SLC9A7: variants seen among roughly 807,000 people sequenced by gnomAD.
SLC9A7 encodes the protein sodium/hydrogen exchanger 7.
SLC9A7 carries 19 observed loss-of-function variants against 52.6 expected under a neutral mutation model. That is an observed-to-expected ratio of 0.36 (90% CI 0.25 to 0.53). The LOEUF is 0.53. SLC9A7 is among the 20% of genes least tolerant of loss of function. The pLI is 0.91. For missense variants in SLC9A7, 455 were observed against 597.9 expected (o/e 0.76, Z 2.49); for synonymous variants, 226 against 252.1 (o/e 0.90, Z 0.98).
chrX:46,625,402 G>A (rs1444516346), intron 14 of SLC9A7, among the ~76,000 whole-genome samples: 1 of 110,353 alleles, frequency 9.1e-6, no homozygotes, highest in Non-Finnish European at 1.9e-5. Context: ...GGACAATCAC[G>A]TGGGCCCTTA....
chrX:46,743,750 T>C (rs1427328712), intron 1 of SLC9A7, among the ~76,000 whole-genome samples: 1 of 111,535 alleles, frequency 9.0e-6, no homozygotes, highest in Non-Finnish European at 1.9e-5. Context: ...TTCCCAAATA[T>C]AAGCAACACT....
intron 4 of SLC9A7, among the ~76,000 whole-genome samples, chrX:46,671,470 C>T (rs1181140382): frequency 9.2e-6 from 1 of 109,070 alleles, no homozygotes; most frequent in Non-Finnish European, 1.9e-5. Flanking sequence ...GGGGTTTCAC[C>T]ATGTTAGCCA....
At chrX:46,746,850 T>C (rs748727882) in intron 1 of SLC9A7, among the ~76,000 whole-genome samples, 1 of 112,762 alleles carries the variant, frequency 8.9e-6, no homozygotes, top group Non-Finnish European at 1.9e-5. Context: ...CCTGTGTTTG[T>C]TGCAGCATTG....
At chrX:46,688,416 G>A (rs752157788) in intron 1 of SLC9A7, among the ~76,000 whole-genome samples, 36 of 110,655 alleles carry the variant, frequency 3.3e-4, no homozygotes, top group African/African-American at 1.1e-3. Flanking sequence ...TGACCAACAT[G>A]GAGAAACCCC....
At chrX:46,741,506 T>C (rs2052796525) in intron 1 of SLC9A7, among the ~76,000 whole-genome samples, 1 of 111,567 alleles carries the variant, frequency 9.0e-6, no homozygotes, top group South Asian at 3.7e-4. Context: ...TTTTTGACAA[T>C]GTTGTGACAG....
chrX:46,669,018 A>T (rs775033665), intron 5 of SLC9A7, among the ~76,000 whole-genome samples: 129 of 109,455 alleles, frequency 1.2e-3, no homozygotes, highest in Non-Finnish European at 2.2e-3. Flanking sequence ...ATACAAAAAA[A>T]TTAGCCAGGC....
chrX:46,614,630 A>G (rs1259045837), intron 15 of SLC9A7, among the ~76,000 whole-genome samples: 2 of 111,939 alleles, frequency 1.8e-5, no homozygotes, highest in Non-Finnish European at 3.8e-5. Context: ...ATGAAGGTCA[A>G]CGGATAAGCA....
At chrX:46,694,387 T>C (rs1035477234) in intron 1 of SLC9A7, among the ~76,000 whole-genome samples, 12 of 111,393 alleles carry the variant, frequency 1.1e-4, no homozygotes, top group Non-Finnish European at 1.9e-4. Context: ...TATATAAATA[T>C]ATAACTCCAT....
intron 1 of SLC9A7, among the ~76,000 whole-genome samples, chrX:46,751,942 G>A: frequency 8.9e-6 from 1 of 112,328 alleles, no homozygotes; most frequent in Admixed American, 9.4e-5. Context: ...GATGTGTACA[G>A]CCTCACCTGT....
At chrX:46,740,378 C>G (rs997998952) in intron 1 of SLC9A7, among the ~76,000 whole-genome samples, 3 of 110,796 alleles carry the variant, frequency 2.7e-5, no homozygotes, top group Admixed American at 9.7e-5. Flanking sequence ...CCAGAGCAAT[C>G]AGAAAAGAGA....
At chrX:46,701,361 G>A (rs1178368198) in intron 1 of SLC9A7, among the ~76,000 whole-genome samples, 1 of 111,360 alleles carries the variant, frequency 9.0e-6, no homozygotes, top group Non-Finnish European at 1.9e-5. Flanking sequence ...GCCGAGGCGG[G>A]TGGATCACGA....
intron 16 of SLC9A7, among the ~76,000 whole-genome samples, chrX:46,608,083 G>C (rs767609364): frequency 8.9e-6 from 1 of 112,267 alleles, no homozygotes; most frequent in African/African-American, 3.2e-5. Flanking sequence ...CCAGGGCGCC[G>C]AACTGGCCTC....
intron 13 of SLC9A7, among the ~76,000 whole-genome samples, chrX:46,634,480 G>A (rs956078850): frequency 5.4e-5 from 6 of 110,888 alleles, no homozygotes; most frequent in Admixed American, 9.5e-5. Flanking sequence ...GAATGGTCAA[G>A]GTTTTGAATA....
intron 15 of SLC9A7, 32 bp from the exon 16 acceptor site, chrX:46,613,426 C>A (rs1363816441): frequency 1.9e-6 from 2 of 1,041,469 alleles, no homozygotes; most frequent in East Asian, 6.2e-5. Flanking sequence ...AAAATGGCTG[C>A]AAAGAAAACA....
intron 1 of SLC9A7, among the ~76,000 whole-genome samples, chrX:46,734,508 T>A (rs1395467652): frequency 8.9e-6 from 1 of 112,030 alleles, no homozygotes; most frequent in African/African-American, 3.2e-5. Flanking sequence ...TCTTTGTTTT[T>A]CTGGGAATGT....
intron 5 of SLC9A7, among the ~76,000 whole-genome samples, chrX:46,667,800 A>G (rs1199525473): frequency 8.9e-6 from 1 of 112,223 alleles, no homozygotes; most frequent in Admixed American, 9.4e-5. Flanking sequence ...CCTAAGGTGT[A>G]CTCTCAATAG....
intron 14 of SLC9A7, among the ~76,000 whole-genome samples, chrX:46,627,787 G>T (rs1411224346): frequency 2.8e-5 from 3 of 107,715 alleles, no homozygotes; most frequent in Non-Finnish European, 5.8e-5. Context: ...TTGGGGGGGG[G>T]GCGGTGGTCA....
At chrX:46,652,751 A>G (rs1446529160) in intron 8 of SLC9A7, among the ~76,000 whole-genome samples, 1 of 112,217 alleles carries the variant, frequency 8.9e-6, no homozygotes, top group African/African-American at 3.2e-5. Context: ...GAAAAATTCA[A>G]TGTTTTTTTA....
chrX:46,697,971 T>C (rs1372290809), intron 1 of SLC9A7, among the ~76,000 whole-genome samples: 1 of 110,885 alleles, frequency 9.0e-6, no homozygotes, highest in African/African-American at 3.3e-5. Context: ...AGGGGTGAAA[T>C]AGACCCCAAT....
Sources: allele counts gnomAD v4.1 joint callset (sites outside exome capture counted in the v4.1 genomes callset), GRCh38; gene constraint gnomAD v4.1.1; transcripts MANE v1.5; gene names NCBI Gene and HGNC (gene_info 2026-07-23, HGNC 2026-07-21).